Variants in NXPE4 observed in about 807,000 individuals in gnomAD.
The protein encoded by NXPE4 is neurexophilin and PC-esterase domain family member 4.
A neutral mutation model predicts 33.3 loss-of-function variants in NXPE4; 42 were observed. That is an observed-to-expected ratio of 1.26 (90% CI 0.98 to 1.63). The LOEUF (loss-of-function observed/expected upper bound fraction) is 1.63. Among genes scored for constraint, NXPE4 ranks in the 40% most tolerant of loss-of-function variants. The pLI, the probability that NXPE4 is intolerant of heterozygous loss-of-function variation, is 0.00. For synonymous variants in NXPE4, 253 were observed against 234.9 expected (o/e 1.08, Z -0.71); for missense variants, 709 against 647.6 (o/e 1.09, Z -1.03).
chr11:114,621,390 CGTG>C, the NXPE4 span, among the ~76,000 whole-genome samples: 26 of 152,190 alleles, frequency 1.7e-4, no homozygotes, highest in East Asian at 4.8e-3. Context: ...TCTGTTATCT[CGTG>C]GGTAACCACA....
chr11:114,651,188 G>A, the NXPE4 span, among the ~76,000 whole-genome samples: 2 of 151,956 alleles, frequency 1.3e-5, no homozygotes, highest in East Asian at 1.9e-4. Flanking sequence ...GTGGACCCTC[G>A]CGGTTGAGTG....
the NXPE4 span, among the ~76,000 whole-genome samples, chr11:114,607,496 C>T: frequency 6.7e-6 from 1 of 149,248 alleles, no homozygotes; most frequent in African/African-American, 2.5e-5. Context: ...CCATTACCGG[C>T]TGGATACTAA....
chr11:114,676,320 C>G, the NXPE4 span, among the ~76,000 whole-genome samples: 1 of 151,628 alleles, frequency 6.6e-6, no homozygotes, highest in Non-Finnish European at 1.5e-5. Context: ...GAAGAGACAA[C>G]CTACGAAATG....
the NXPE4 span, among the ~76,000 whole-genome samples, chr11:114,621,646 G>A: frequency 6.6e-6 from 1 of 152,152 alleles, no homozygotes; most frequent in African/African-American, 2.4e-5. Context: ...TTGCCTTGTG[G>A]GTTACCACTG....
chr11:114,599,483 C>T (rs547317120), upstream of NXPE4, among the ~76,000 whole-genome samples: 2 of 152,238 alleles, frequency 1.3e-5, no homozygotes, highest in South Asian at 2.1e-4. Flanking sequence ...GTTCCACTCC[C>T]CAGTGCTAAT....
the NXPE4 span, among the ~76,000 whole-genome samples, chr11:114,640,245 A>G: frequency 7.8e-5 from 11 of 141,360 alleles, no homozygotes; most frequent in Admixed American, 1.5e-4. Flanking sequence ...TATATATTAT[A>G]AAATATAAAA....
the NXPE4 span, among the ~76,000 whole-genome samples, chr11:114,652,624 G>A: frequency 1.3e-5 from 2 of 152,212 alleles, no homozygotes; most frequent in African/African-American, 4.8e-5. Context: ...ATTGTCATCA[G>A]GAGGTAATAA....
the NXPE4 span, among the ~76,000 whole-genome samples, chr11:114,624,559 G>T: frequency 2.0e-5 from 3 of 151,530 alleles, no homozygotes; most frequent in Non-Finnish European, 4.4e-5. Context: ...TGGATAATAA[G>T]TATTGCCCCG....
chr11:114,587,796 C>T (rs1949343098), intron 2 of NXPE4, among the ~76,000 whole-genome samples: 1 of 152,290 alleles, frequency 6.6e-6, no homozygotes, highest in African/African-American at 2.4e-5. Context: ...CTTTGGTCTG[C>T]ACTCCTCTGG....
In NXPE4 at chr11:114,595,694, T is replaced by C. The variant is rs551669020; in HGVS notation, c.-113A>G. The C allele has an allele frequency of 3.3e-5, 5 of 152,466 alleles. No individual in the cohort carries two copies. The highest frequency in any genetic ancestry group is 1.2e-4 in the African/African-American group (5 of 41,580). The allele number at this position is 152,466 out of a possible 1,614,324, so 9.4% of individuals were successfully genotyped here. On this transcript the variant is annotated 5_prime_UTR_variant, in exon 1 of 6. Transcript: ENST00000375478. ...CAGTGTGCTACTGGCATACCTCTTG[T>C]CTATACCAAAATAAATTGCAGATAT...
chr11:114,646,631 T>C, the NXPE4 span, among the ~76,000 whole-genome samples: 1 of 152,090 alleles, frequency 6.6e-6, no homozygotes, highest in Non-Finnish European at 1.5e-5. Flanking sequence ...AACAAGTATT[T>C]TTACTATAAC....
At chr11:114,632,671 T>C in the NXPE4 span, among the ~76,000 whole-genome samples, 1 of 58,586 alleles carries the variant, frequency 1.7e-5, no homozygotes, top group Non-Finnish European at 2.7e-5. Context: ...ATATAGTATA[T>C]ATATTTATAT....
At chr11:114,589,478 G>T (rs1949390570) in intron 2 of NXPE4, among the ~76,000 whole-genome samples, 1 of 152,064 alleles carries the variant, frequency 6.6e-6, no homozygotes, top group Non-Finnish European at 1.5e-5. Flanking sequence ...AACCCCTTAG[G>T]TGCAGTTGGG....
upstream of NXPE4, among the ~76,000 whole-genome samples, chr11:114,596,149 A>G (rs1479243965): frequency 1.3e-5 from 2 of 152,196 alleles, no homozygotes; most frequent in Non-Finnish European, 2.9e-5. Flanking sequence ...AGTGCGTATT[A>G]TCTCATACAT....
chr11:114,644,187 CATGGCATCTGCAAACAGAGACAATATG>C, the NXPE4 span, among the ~76,000 whole-genome samples: 12 of 152,278 alleles, frequency 7.9e-5, no homozygotes, highest in East Asian at 2.3e-3. Flanking sequence ...AATATACAAT[CATGGCATCTGCAAACAGAGACAATATG>C]ACTTCCTCTC....
chr11:114,595,979 T>C (rs991355134), upstream of NXPE4, among the ~76,000 whole-genome samples: 3 of 152,168 alleles, frequency 2.0e-5, no homozygotes, highest in Admixed American at 2.0e-4. Context: ...GATAAATAAT[T>C]GTATTTAGTT....
chr11:114,666,220 C>T, the NXPE4 span, among the ~76,000 whole-genome samples: 5 of 152,218 alleles, frequency 3.3e-5, no homozygotes, highest in East Asian at 1.9e-4. Flanking sequence ...CCTTTGCTAC[C>T]GTATAGCAGA....
At chr11:114,632,234 ATATATG>A in the NXPE4 span, among the ~76,000 whole-genome samples, 4 of 140,556 alleles carry the variant, frequency 2.8e-5, no homozygotes, top group Non-Finnish European at 6.1e-5. Flanking sequence ...TATGTATAAT[ATATATG>A]TATATGTGTA....
chr11:114,667,507 T>C, the NXPE4 span, among the ~76,000 whole-genome samples: 1 of 152,104 alleles, frequency 6.6e-6, no homozygotes. Context: ...TCTTGAGTAA[T>C]AATGGATTTG....
Sources: allele counts gnomAD v4.1 joint callset (sites outside exome capture counted in the v4.1 genomes callset), GRCh38; gene constraint gnomAD v4.1.1; transcripts MANE v1.5; gene names NCBI Gene and HGNC (gene_info 2026-07-23, HGNC 2026-07-21).